The following UBAP1L variants were observed in gnomAD, a reference collection of about 807,000 sequenced individuals.
UBAP1L encodes the protein ubiquitin associated protein 1 like.
In UBAP1L, 32 loss-of-function variants were observed where a neutral mutation model predicts 32.1. The observed-to-expected ratio is 1.00, with a 90% CI of 0.75 to 1.34. UBAP1L has a LOEUF of 1.34. Ranked by LOEUF, UBAP1L falls within the 40% of genes most tolerant of loss-of-function variation. UBAP1L has a pLI of 0.00. For missense variants in UBAP1L, 516 were observed against 540.5 expected, an observed-to-expected ratio of 0.95 and a Z score of 0.45; for synonymous variants, 243 against 250.2, an observed-to-expected ratio of 0.97 and a Z score of 0.27.
chr15:65,104,914 C>A lies in UBAP1L; in HGVS notation c.120+1182G>T, dbSNP rs748669349. The A allele has an allele frequency of 7.3e-6, 3 of 410,544 alleles. No individual in the cohort carries two copies. In the East Asian group the frequency reaches 2.7e-4, roughly 37 times the overall value. 25.4% of individuals were successfully genotyped at this position (410,544 alleles called of 1,614,324 possible). On this transcript the variant is annotated intron_variant, in intron 2 of 5. Coordinates refer to ENST00000559089, the MANE Select transcript of UBAP1L (RefSeq NM_001163692.2). ...CCCAGCTACTCGGGAGACCATGGCA[C>A]GAGAATCACTTGAACCGAGGAGTCG... is the stretch of plus-strand genomic sequence containing the variant.
At position 65,102,610 on chromosome 15, in the gene UBAP1L, G is replaced by A. The variant is rs2087257848; in HGVS notation, c.195C>T (p.Cys65=). 1 of 1,549,346 alleles carries A rather than the reference G, an allele frequency of 6.5e-7. No individual in the cohort carries two copies. Among genetic ancestry groups the A allele is most frequent in the Non-Finnish European group, 8.7e-7 (1 of 1,146,670 alleles). The change falls in exon 3 of 6, where the codon TGC becomes TGT. Residue 65 remains cysteine (C), a synonymous_variant. Transcript: ENST00000559089. The surrounding 1 kb of genome is among the most constrained non-coding windows in gnomAD (Gnocchi z 5.0). The part of the protein sequence containing the change: ...AAGQGPSPYQ[C]GDPGTASAPP... ...GGGCTGACGCTGTCCCCGGGTCACCGCACTGGTACGGGCTGGGTCCCTGGC... is the reference window on the plus strand; with the variant it reads ...GGGCTGACGCTGTCCCCGGGTCACCACACTGGTACGGGCTGGGTCCCTGGC...
Position 65,102,352 on chromosome 15 carries a change from C to T in UBAP1L, c.453G>A (p.Val151=). The change falls in exon 3 of 6, where the codon GTG becomes GTA. Residue 151 remains valine, a synonymous_variant. Coordinates refer to ENST00000559089, the MANE Select transcript of UBAP1L (RefSeq NM_001163692.2). This position sits in a 1 kb window ranked among gnomAD's most constrained non-coding sequence, Gnocchi z 5.0. ...GCCGCGCCCCTGCCAGCTCCAACCG[C>T]ACGCCGCGTAGCACGTCCAGCGAGC... ...RLCSLDVLRG[V]RLELAGARRR... 1 of 1,474,210 alleles carries T rather than the reference C, an allele frequency of 6.8e-7. No homozygotes were observed. Among genetic ancestry groups the T allele is most frequent in the Non-Finnish European group, 8.9e-7 (1 of 1,121,396 alleles). The allele number at this position is 1,474,210 out of a possible 1,614,324, so 91.3% of individuals were successfully genotyped here.
intron 1 of UBAP1L, 130 bp from the exon 2 acceptor site, chr15:65,106,518 T>C: frequency 4.0e-6 from 1 of 249,034 alleles, no homozygotes; most frequent in South Asian, 1.5e-4. Context: ...TCTCATGCAT[T>C]TCATCAAAAT....
chr15:65,093,972 C>T (rs906274400), intron 5 of UBAP1L, among the ~76,000 whole-genome samples: 6 of 152,144 alleles, frequency 3.9e-5, no homozygotes, highest in Admixed American at 6.5e-5. Context: ...GCTTGAACCT[C>T]GGGGGCAGAG....
At position 65,106,390 on chromosome 15, in the gene UBAP1L, T is replaced by A; in HGVS notation, c.-173-2A>T. Reference sequence around the variant, plus strand: ...AAGGAAAAGGTGAGGGGGCCAGTGCTGCATAAAGGAAGGAAATGAATAAAA... The same window carrying A: ...AAGGAAAAGGTGAGGGGGCCAGTGCAGCATAAAGGAAGGAAATGAATAAAA... On this transcript the variant is annotated splice_acceptor_variant, in intron 1 of 5. Coordinates refer to ENST00000559089, the MANE Select transcript of UBAP1L (RefSeq NM_001163692.2). LOFTEE classifies it low-confidence loss of function (5UTR_SPLICE). 1 of 604,754 alleles carries A rather than the reference T, an allele frequency of 1.7e-6. No homozygotes were observed. The highest frequency in any genetic ancestry group is 2.6e-6 in the Non-Finnish European group (1 of 378,146). The allele number at this position is 604,754 out of a possible 1,614,324, so 37.5% of individuals were successfully genotyped here.
Position 65,092,936 on chromosome 15 carries a change from G to T in UBAP1L, c.*161C>A. 1 of 1,037,718 alleles carries T rather than the reference G, an allele frequency of 9.6e-7. No individual in the cohort carries two copies. Among genetic ancestry groups the T allele is most frequent in the Non-Finnish European group, 1.3e-6 (1 of 747,454 alleles). The allele number at this position is 1,037,718 out of a possible 1,614,324, so 64.3% of individuals were successfully genotyped here. ...GGCAACTATTTCAACTCTTTCAGCA[G>T]ATTCTGCTGCTGTTAACTGTCACCC... On this transcript the variant is annotated 3_prime_UTR_variant, in exon 6 of 6. Transcript: ENST00000559089.
In UBAP1L at chr15:65,114,280, T is replaced by C. The variant is rs888543616; in HGVS notation, c.-174+870A>G. Among the ~76,000 whole-genome samples the C allele has an allele frequency of 3.9e-5, 6 of 152,064 alleles. No homozygotes were observed. The East Asian group carries it at 9.6e-4, about 24-fold the overall frequency. On this transcript the variant is annotated intron_variant, in intron 1 of 5. Coordinates refer to ENST00000559089, the MANE Select transcript of UBAP1L (RefSeq NM_001163692.2). Reference sequence around the variant, plus strand: ...AATGATTCTTACCCTTACTATATGATACATATTTCCTATTATTTCAACTAA... The same window carrying C: ...AATGATTCTTACCCTTACTATATGACACATATTTCCTATTATTTCAACTAA...
intron 1 of UBAP1L, among the ~76,000 whole-genome samples, chr15:65,113,781 C>T (rs2087385237): frequency 6.6e-6 from 1 of 152,100 alleles, no homozygotes; most frequent in Non-Finnish European, 1.5e-5. Flanking sequence ...AAAGAAAAAG[C>T]TGTTCATTCT....
chr15:65,101,371 G>A (rs1433274085), intron 3 of UBAP1L: 4 of 152,376 alleles, frequency 2.6e-5, no homozygotes, highest in South Asian at 4.1e-4. Flanking sequence ...CCTTGGAAGA[G>A]ACAAAGGGAG....
At chr15:65,107,731 C>T (rs372661186) in intron 1 of UBAP1L, among the ~76,000 whole-genome samples, 4 of 81,418 alleles carry the variant, frequency 4.9e-5, no homozygotes, top group African/African-American at 1.2e-4. Flanking sequence ...AAGAAGGAAA[C>T]GCTGTCTCAA....
At chr15:65,108,274 C>T (rs1386578743) in intron 1 of UBAP1L, among the ~76,000 whole-genome samples, 1 of 151,038 alleles carries the variant, frequency 6.6e-6, no homozygotes, top group Non-Finnish European at 1.5e-5. Flanking sequence ...ATTTGATATC[C>T]ATCTGGGGAA....
intron 1 of UBAP1L, among the ~76,000 whole-genome samples, chr15:65,108,685 C>A (rs984481587): frequency 4.0e-5 from 6 of 151,744 alleles, no homozygotes; most frequent in African/African-American, 1.5e-4. Context: ...GATGAGGCTG[C>A]AGTAAGATGA....
Position 65,106,347 on chromosome 15 carries a change from G to GTTTGGGGCTCAGCTA in UBAP1L, c.-133_-132insTAGCTGAGCCCCAAA. 1 of 1,133,028 alleles carries GTTTGGGGCTCAGCTA rather than the reference G, an allele frequency of 8.8e-7. No individual in the cohort carries two copies. Among genetic ancestry groups the GTTTGGGGCTCAGCTA allele is most frequent in the Non-Finnish European group, 1.2e-6 (1 of 840,618 alleles). The allele number at this position is 1,133,028 out of a possible 1,614,324, so 70.2% of individuals were successfully genotyped here. ...TGCTCTCCTGTGTGGTCACTTAGCT[G>GTTTGGGGCTCAGCTA]AGCCCCAAACAGCTGGAAAGGAAAA... is the stretch of plus-strand genomic sequence containing the variant. On this transcript the variant is annotated 5_prime_UTR_variant, in exon 2 of 6. Transcript: ENST00000559089.
intron 5 of UBAP1L, 132 bp from the exon 6 acceptor site, chr15:65,093,363 G>C (rs2087139667): frequency 1.7e-6 from 2 of 1,169,206 alleles, no homozygotes; most frequent in African/African-American, 3.1e-5. Flanking sequence ...ACGTGAGCCT[G>C]ATCCTGGGCC....
At position 65,098,941 on chromosome 15, in the gene UBAP1L, C is replaced by T. The variant is rs527980249; in HGVS notation, c.909+564G>A. 3 of 152,442 alleles carry T rather than the reference C, an allele frequency of 2.0e-5. No individual in the cohort carries two copies. In the South Asian group the frequency reaches 6.2e-4, roughly 32 times the overall value. 9.4% of individuals were successfully genotyped at this position (152,442 alleles called of 1,614,324 possible). ...CTCCCAGGTATCTTGCCACTAGCAC[C>T]TCTTTTTGGGCACTTTGGGGGCCCT... On this transcript the variant is annotated intron_variant, in intron 4 of 5. Transcript: ENST00000559089.
At chr15:65,103,885 T>TA (rs1473841470) in intron 2 of UBAP1L, among the ~76,000 whole-genome samples, 1 of 151,964 alleles carries the variant, frequency 6.6e-6, no homozygotes, top group African/African-American at 2.4e-5. Context: ...TCAGAGGGAT[T>TA]AAAAAAATAC....
chr15:65,100,388 C>G (rs1482471210), intron 3 of UBAP1L: 2 of 152,208 alleles, frequency 1.3e-5, no homozygotes, highest in East Asian at 3.8e-4. Context: ...ACGCTTGGTA[C>G]CTCAACCCTA....
rs1295929002 is a variant in UBAP1L at position 65,094,719 on chromosome 15, C to T, written c.910-143G>A. On this transcript the variant is annotated intron_variant, in intron 4 of 5. Transcript: ENST00000559089. The surrounding 1 kb of genome is among the most constrained non-coding windows in gnomAD (Gnocchi z 4.2). ...ACCTGCAGCGTGGCCCCAGAGAGCC[C>T]GTGAACCCACAGAAGGGGGATAGAG... 24 of 679,208 alleles carry T rather than the reference C, an allele frequency of 3.5e-5. No homozygotes were observed. The highest frequency in any genetic ancestry group is 4.0e-5 in the Non-Finnish European group (15 of 378,560). 42.1% of individuals were successfully genotyped at this position (679,208 alleles called of 1,614,324 possible).
At chr15:65,112,623 T>C (rs573850799) in intron 1 of UBAP1L, among the ~76,000 whole-genome samples, 12 of 152,292 alleles carry the variant, frequency 7.9e-5, no homozygotes, top group South Asian at 2.1e-4. Flanking sequence ...AATGACTTTA[T>C]TCTTGCCCAG....
Sources: allele counts gnomAD v4.1 joint callset (sites outside exome capture counted in the v4.1 genomes callset), GRCh38; gene constraint gnomAD v4.1.1; non-coding constraint Gnocchi (gnomAD v3.1); transcripts MANE v1.5; gene names NCBI Gene and HGNC (gene_info 2026-07-23, HGNC 2026-07-21).